Variants in APBB1IP observed in about 807,000 individuals in gnomAD.
APBB1IP encodes the protein amyloid beta precursor protein binding family B member 1 interacting protein, also known as amyloid beta A4 precursor protein-binding family B member 1-interacting protein.
In APBB1IP, 27 loss-of-function variants were observed where a neutral mutation model predicts 64.9. That is an observed-to-expected ratio of 0.42 (90% CI 0.31 to 0.57). The LOEUF (loss-of-function observed/expected upper bound fraction) is 0.57. APBB1IP is among the 20% of genes least tolerant of loss of function. The pLI, the probability that APBB1IP is intolerant of heterozygous loss-of-function variation, is 0.20. For synonymous variants in APBB1IP, 392 were observed against 331.0 expected, an observed-to-expected ratio of 1.18 and a Z score of -2.00; for missense variants, 812 against 845.5, an observed-to-expected ratio of 0.96 and a Z score of 0.49.
At chr10:26,486,677 A>G (rs1428669626) in intron 2 of APBB1IP, among the ~76,000 whole-genome samples, 1 of 152,180 alleles carries the variant, frequency 6.6e-6, no homozygotes, top group East Asian at 1.9e-4. Context: ...CCCAAACTGC[A>G]TGCAAACTGA....
chr10:26,536,452 A>T (rs575988522), intron 10 of APBB1IP, among the ~76,000 whole-genome samples: 1 of 152,240 alleles, frequency 6.6e-6, no homozygotes, highest in East Asian at 1.9e-4. Flanking sequence ...TGATGGCAAA[A>T]GCACTTTTCT....
intron 2 of APBB1IP, among the ~76,000 whole-genome samples, chr10:26,486,846 A>G (rs1450981602): frequency 1.3e-5 from 2 of 152,226 alleles, no homozygotes; most frequent in Non-Finnish European, 2.9e-5. Flanking sequence ...GAAGCCTAGA[A>G]ATATTAAGCA....
intron 6 of APBB1IP, among the ~76,000 whole-genome samples, chr10:26,507,870 A>C (rs575838373): frequency 1.3e-5 from 2 of 152,320 alleles, no homozygotes; most frequent in South Asian, 4.1e-4. Context: ...AGAGAACAGG[A>C]GGAGAGGGCA....
At chr10:26,535,103 T>A (rs183125388) in intron 9 of APBB1IP, among the ~76,000 whole-genome samples, 17 of 152,192 alleles carry the variant, frequency 1.1e-4, no homozygotes, top group African/African-American at 4.1e-4. Context: ...TAAAATAGAA[T>A]AATATATAAT....
intron 2 of APBB1IP, among the ~76,000 whole-genome samples, chr10:26,464,334 A>G (rs1381044596): frequency 6.6e-6 from 1 of 152,164 alleles, no homozygotes; most frequent in Non-Finnish European, 1.5e-5. Context: ...ACCTATATGC[A>G]AACACCGCTA....
chr10:26,512,310 G>T (rs181394771), intron 7 of APBB1IP, among the ~76,000 whole-genome samples: 16 of 152,248 alleles, frequency 1.1e-4, no homozygotes, highest in Admixed American at 4.6e-4. Context: ...GAAAGAGAGT[G>T]GCTGGATGAT....
intron 9 of APBB1IP, 56 bp from the exon 10 acceptor site, chr10:26,536,018 A>C: frequency 6.6e-7 from 1 of 1,515,490 alleles, no homozygotes. Context: ...AATGTGAATA[A>C]AAATGCGTGC....
chr10:26,560,846 T>C lies in APBB1IP; in HGVS notation c.1369+2T>C. ...CTGCACCAGCTCAGCCATCTACAGG[T>C]ACTAAGTGGAGGAGAAATTCCAACA... On this transcript the variant is annotated splice_donor_variant, in intron 13 of 14. Coordinates refer to ENST00000376236, the MANE Select transcript of APBB1IP (RefSeq NM_019043.4). LOFTEE classifies it high-confidence loss of function. 1 of 1,578,890 alleles carries C rather than the reference T, an allele frequency of 6.3e-7. No individual in the cohort carries two copies. Among genetic ancestry groups the C allele is most frequent in the Non-Finnish European group, 8.6e-7 (1 of 1,164,340 alleles).
intron 2 of APBB1IP, among the ~76,000 whole-genome samples, chr10:26,474,727 C>G (rs1221358571): frequency 6.6e-6 from 1 of 152,224 alleles, no homozygotes; most frequent in Non-Finnish European, 1.5e-5. Flanking sequence ...CCCACTTCCT[C>G]CTTCTCCATT....
intron 2 of APBB1IP, among the ~76,000 whole-genome samples, chr10:26,475,423 C>T (rs541443363): frequency 2.6e-5 from 4 of 151,950 alleles, no homozygotes; most frequent in African/African-American, 9.7e-5. Context: ...GCCTGGCCTT[C>T]CCTTGCTTTT....
chr10:26,562,229 G>C, intron 13 of APBB1IP, 97 bp from the exon 14 acceptor site: 1 of 885,948 alleles, frequency 1.1e-6, no homozygotes, highest in Non-Finnish European at 1.8e-6. Flanking sequence ...ATCTTTCTTT[G>C]CTTTAGAGAT....
At position 26,548,357 on chromosome 10, in the gene APBB1IP, G is replaced by A. The variant is rs1469397635; in HGVS notation, c.1155+6665G>A. On this transcript the variant is annotated intron_variant, in intron 11 of 14. Coordinates refer to ENST00000376236, the MANE Select transcript of APBB1IP (RefSeq NM_019043.4). ...CCCCCCTCCCCCGACCCCACAACAGGCCCCGGTGTGTGATGTTCCCCTTCC... is the reference window on the plus strand; with the variant it reads ...CCCCCCTCCCCCGACCCCACAACAGACCCCGGTGTGTGATGTTCCCCTTCC... Among the ~76,000 whole-genome samples, 9 of 138,232 alleles carry A rather than the reference G, an allele frequency of 6.5e-5. No homozygotes were observed. In the East Asian group the frequency reaches 1.7e-3, roughly 27 times the overall value. The allele number at this position is 138,232 out of a possible 152,430, so 90.7% of individuals were successfully genotyped here.
intron 3 of APBB1IP, among the ~76,000 whole-genome samples, chr10:26,495,013 CTT>C (rs536538794): frequency 7.8e-5 from 11 of 140,264 alleles, no homozygotes; most frequent in Admixed American, 2.1e-4. Flanking sequence ...CTTTCTTTTT[CTT>C]TTTTTTTTTT....
At chr10:26,562,452 C>T (rs752147313) in intron 14 of APBB1IP, 23 bp downstream of exon 14, 9 of 1,582,942 alleles carry the variant, frequency 5.7e-6, no homozygotes, top group South Asian at 3.3e-5. Context: ...AGCAGCTGAC[C>T]CCTATAAGCC....
At chr10:26,532,310 G>A (rs964577428) in intron 8 of APBB1IP, among the ~76,000 whole-genome samples, 5 of 152,038 alleles carry the variant, frequency 3.3e-5, no homozygotes, top group African/African-American at 7.2e-5. Context: ...GGATACCTCA[G>A]CTGCACTTAT....
intron 8 of APBB1IP, among the ~76,000 whole-genome samples, chr10:26,522,860 T>C (rs753532493): frequency 1.3e-5 from 2 of 151,658 alleles, no homozygotes; most frequent in African/African-American, 2.4e-5. Context: ...AAAAATTAGC[T>C]GGGCATGGTG....
chr10:26,494,482 A>C (rs976402424), intron 3 of APBB1IP, among the ~76,000 whole-genome samples: 1 of 152,276 alleles, frequency 6.6e-6, no homozygotes, highest in Admixed American at 6.5e-5. Context: ...TTTCTAAAAA[A>C]AATAAATGAA....
intron 2 of APBB1IP, among the ~76,000 whole-genome samples, chr10:26,464,257 A>G (rs1047308491): frequency 6.6e-6 from 1 of 152,154 alleles, no homozygotes; most frequent in African/African-American, 2.4e-5. Context: ...GAATTTTAGG[A>G]GACAGTATAT....
chr10:26,465,136 A>G (rs1425449879), intron 2 of APBB1IP, among the ~76,000 whole-genome samples: 3 of 152,248 alleles, frequency 2.0e-5, no homozygotes, highest in Non-Finnish European at 4.4e-5. Flanking sequence ...GACTGTGCAG[A>G]GAAAACTATG....
Sources: gnomAD v4.1 joint callset for allele counts (sites outside exome capture counted in the v4.1 genomes callset) on GRCh38, gnomAD v4.1.1 for gene constraint, MANE v1.5 for transcripts, NCBI Gene and HGNC (gene_info 2026-07-23, HGNC 2026-07-21) for gene names.